Variants in ABCA8 observed in about 807,000 individuals in gnomAD.
ABCA8 encodes the protein ABC-type organic anion transporter ABCA8.
A neutral mutation model predicts 192.3 loss-of-function variants in ABCA8; 177 were observed. The observed-to-expected ratio is 0.92, with a 90% CI of 0.81 to 1.04. The LOEUF (loss-of-function observed/expected upper bound fraction) is 1.04. Among genes scored for constraint, ABCA8 ranks in the 50% least tolerant of loss-of-function variants. The pLI is 0.00. For synonymous variants in ABCA8, 642 were observed against 690.2 expected, an observed-to-expected ratio of 0.93 and a Z score of 1.09; for missense variants, 1,915 against 1,904.8, an observed-to-expected ratio of 1.01 and a Z score of -0.10.
At chr17:68,923,893 CA>C (rs2067616203) in intron 11 of ABCA8, among the ~76,000 whole-genome samples, 1 of 152,074 alleles carries the variant, frequency 6.6e-6, no homozygotes, top group African/African-American at 2.4e-5. Flanking sequence ...TCACCAGCAC[CA>C]AACAAAATGG....
intron 28 of ABCA8, 39 bp from the exon 29 acceptor site, chr17:68,883,921 A>C (rs780286298): frequency 1.5e-6 from 2 of 1,291,170 alleles, no homozygotes; most frequent in East Asian, 4.7e-5. Context: ...AAACATAAAA[A>C]GATAATTGTT....
chr17:68,915,718 G>A (rs1219393410), intron 17 of ABCA8, among the ~76,000 whole-genome samples: 4 of 152,094 alleles, frequency 2.6e-5, no homozygotes, highest in Non-Finnish European at 5.9e-5. Context: ...ACGTTTTCAA[G>A]TTCCACAAAA....
At chr17:68,887,915 T>TAGTATATATGG (rs2066520178) in intron 24 of ABCA8, among the ~76,000 whole-genome samples, 1 of 45,078 alleles carries the variant, frequency 2.2e-5, no homozygotes. Flanking sequence ...TATCCATATA[T>TAGTATATATGG]ATATATATAT....
intron 37 of ABCA8, among the ~76,000 whole-genome samples, chr17:68,872,585 A>T (rs1262421003): frequency 1.3e-5 from 2 of 151,096 alleles, no homozygotes; most frequent in Admixed American, 6.6e-5. Context: ...AATTAAAAAA[A>T]AATAAAAAAT....
chr17:68,880,017 A>G (rs2066293766), intron 32 of ABCA8: 1 of 152,022 alleles, frequency 6.6e-6, no homozygotes, highest in Admixed American at 6.5e-5. Flanking sequence ...AGCCACCTTC[A>G]AGCTTCAGGG....
intron 23 of ABCA8, among the ~76,000 whole-genome samples, chr17:68,893,819 C>T (rs1324940430): frequency 6.7e-6 from 1 of 149,078 alleles, no homozygotes; most frequent in Non-Finnish European, 1.5e-5. Context: ...ATGTGCCATG[C>T]TGGTGCGCTG....
chr17:68,899,823 A>G (rs541664592), intron 21 of ABCA8, among the ~76,000 whole-genome samples: 4 of 152,152 alleles, frequency 2.6e-5, no homozygotes, highest in Non-Finnish European at 5.9e-5. Flanking sequence ...AAATTTTTGG[A>G]AACTAAATAG....
At chr17:68,923,189 A>ATAT (rs1555614683) in intron 11 of ABCA8, among the ~76,000 whole-genome samples, 11,541 of 146,438 alleles carry the variant, frequency 0.079, 661 homozygotes, top group Middle Eastern at 0.12. Context: ...ATTTAATTAG[A>ATAT]TATTATTATT....
At chr17:68,916,514 T>C (rs184529406) in intron 17 of ABCA8, among the ~76,000 whole-genome samples, 1 of 152,294 alleles carries the variant, frequency 6.6e-6, no homozygotes, top group East Asian at 1.9e-4. Flanking sequence ...ACACCTACTA[T>C]ATACCCTTTA....
At chr17:68,919,709 T>G in intron 13 of ABCA8, 2 of 348,608 alleles carry the variant, frequency 5.7e-6, no homozygotes, top group Non-Finnish European at 1.0e-5. Context: ...ATATACCCTG[T>G]AGTATCCTAG....
rs372233239 is a variant in ABCA8 at position 68,940,805 on chromosome 17, G to A, written c.254C>T (p.Thr85Met). 4.3e-6 allele frequency: 7 copies of A among 1,613,434 alleles called. No homozygotes were observed. Among genetic ancestry groups the A allele is most frequent in the African/African-American group, 2.7e-5 (2 of 74,886 alleles). ...TACTTTATTCATTATCTGTTGGGTC[G>A]TGTTGGTGACAGGTGTGTATACAAC... is the stretch of plus-strand genomic sequence containing the variant. The part of the protein sequence containing the change: ...FSVVYTPVTN[T>M]TQQIMNKVAS... The change falls in exon 4 of 40, where the codon ACG (threonine) becomes ATG (methionine). Residue 85 changes from threonine to methionine, a missense_variant. Thr to Met is a moderately conservative substitution (Grantham distance 81). Coordinates refer to ENST00000586539, the MANE Select transcript of ABCA8 (RefSeq NM_001288985.2).
At position 68,918,529 on chromosome 17, in the gene ABCA8, CA is replaced by C; in HGVS notation, c.1805del (p.Leu602ArgfsTer5). ...EVDKEIQRVL[L>X]ELEMKNIQDV... The stretch of plus-strand genomic sequence containing the variant: ...CCTGAATATTTTTCATTTCCAATTC[CA>C]GCAGAACCCTTTGTATCTAACCAAA... On this transcript the variant is annotated frameshift_variant, in exon 15 of 40. Coordinates refer to ENST00000586539, the MANE Select transcript of ABCA8 (RefSeq NM_001288985.2). LOFTEE classifies it high-confidence loss of function. 1 of 1,512,306 alleles carries C rather than the reference CA, an allele frequency of 6.6e-7. No homozygotes were observed. The highest frequency in any genetic ancestry group is 8.8e-7 in the Non-Finnish European group (1 of 1,139,846). The allele number at this position is 1,512,306 out of a possible 1,614,324, so 93.7% of individuals were successfully genotyped here.
Position 68,875,655 on chromosome 17 carries a change from G to A in ABCA8, c.4449C>T (p.Ala1483=), listed in dbSNP as rs369723873. ...CCATGATGGCCACTCGGTCACACAC[G>A]GCCTCAGCCTCTGCCATGTAGTGGG... The part of the protein sequence containing the change: ...LTTHYMAEAE[A]VCDRVAIMVS... The change falls in exon 36 of 40, where the codon GCC becomes GCT. Residue 1483 remains alanine (A), a synonymous_variant. Transcript: ENST00000586539. 47 of 1,614,126 alleles carry A rather than the reference G, an allele frequency of 2.9e-5. No homozygotes were observed. The highest frequency in any genetic ancestry group is 6.7e-5 in the African/African-American group (5 of 75,030).
chr17:68,952,814 C>T (rs1990334), intron 1 of ABCA8, among the ~76,000 whole-genome samples: 76,732 of 151,966 alleles, frequency 0.5, 19,908 homozygotes, highest in Middle Eastern at 0.6. Flanking sequence ...AGTAGACTAC[C>T]CTCTACCCCC....
intron 12 of ABCA8, 36 bp from the exon 13 acceptor site, chr17:68,921,528 T>C (rs923640903): frequency 1.4e-5 from 19 of 1,391,402 alleles, no homozygotes; most frequent in African/African-American, 2.9e-5. Context: ...AAAGATAAGA[T>C]AAAGGGATGG....
intron 17 of ABCA8, among the ~76,000 whole-genome samples, chr17:68,914,669 T>C (rs2067310573): frequency 2.0e-5 from 3 of 152,058 alleles, no homozygotes; most frequent in South Asian, 4.1e-4. Context: ...AAAGATATTC[T>C]ATGCTCATGG....
At chr17:68,922,740 G>C (rs2067580281) in intron 11 of ABCA8, among the ~76,000 whole-genome samples, 1 of 152,164 alleles carries the variant, frequency 6.6e-6, no homozygotes, top group African/African-American at 2.4e-5. Flanking sequence ...GGTTCATTAA[G>C]AACTACAGTA....
chr17:68,906,243 A>G, intron 18 of ABCA8, 80 bp from the exon 19 acceptor site: 2 of 1,094,306 alleles, frequency 1.8e-6, no homozygotes, highest in Non-Finnish European at 2.5e-6. Context: ...TAATAAGCAC[A>G]AATCTATGAA....
rs2066508705 is a variant in ABCA8 at position 68,887,889 on chromosome 17, T to TATATATA, written c.3145-390_3145-384dup. Among the ~76,000 whole-genome samples, 2 of 42,294 alleles carry TATATATA rather than the reference T, an allele frequency of 4.7e-5. 1 individual carries two copies. The highest frequency in any genetic ancestry group is 3.6e-4 in the African/African-American group (2 of 5,504). 27.7% of individuals were successfully genotyped at this position (42,294 alleles called of 152,430 possible). On this transcript the variant is annotated intron_variant, in intron 24 of 39. Coordinates refer to ENST00000586539, the MANE Select transcript of ABCA8 (RefSeq NM_001288985.2). ...CTCTCTTTTCTCTCCTCCATATATA[T>TATATATA]ATATATATATATATATATCCATATA...
Sources: allele counts gnomAD v4.1 joint callset (sites outside exome capture counted in the v4.1 genomes callset), GRCh38; gene constraint gnomAD v4.1.1; transcripts MANE v1.5; gene names NCBI Gene and HGNC (gene_info 2026-07-23, HGNC 2026-07-21).